NIPAL2: variants seen among roughly 807,000 people sequenced by gnomAD.
NIPAL2 encodes the protein NIPA like domain containing 2.
A neutral mutation model predicts 48.9 loss-of-function variants in NIPAL2; 43 were observed. That is an observed-to-expected ratio of 0.88 (90% CI 0.69 to 1.13). The LOEUF is 1.13. Among genes scored for constraint, NIPAL2 ranks in the 50% most tolerant of loss-of-function variants. The pLI, the probability that NIPAL2 is intolerant of heterozygous loss-of-function variation, is 0.00. For missense variants in NIPAL2, 446 were observed against 461.4 expected (o/e 0.97, Z 0.31); for synonymous variants, 167 against 174.6 (o/e 0.96, Z 0.34).
intron 1 of NIPAL2, among the ~76,000 whole-genome samples, chr8:98,256,277 G>C (rs1586413964): frequency 1.3e-5 from 2 of 152,228 alleles, no homozygotes; most frequent in South Asian, 4.1e-4. Flanking sequence ...GCCTGCCTCA[G>C]CTCCCAAAGT....
intron 1 of NIPAL2, among the ~76,000 whole-genome samples, chr8:98,277,961 C>T (rs886972488): frequency 6.6e-6 from 1 of 152,070 alleles, no homozygotes; most frequent in African/African-American, 2.4e-5. Context: ...GTCCTTCTTC[C>T]TGAAGAAAAC....
At chr8:98,208,474 G>C (rs1388658568) in intron 6 of NIPAL2, among the ~76,000 whole-genome samples, 1 of 151,922 alleles carries the variant, frequency 6.6e-6, no homozygotes, top group Non-Finnish European at 1.5e-5. Flanking sequence ...TTGATGTGGA[G>C]TTTTGCTCTT....
At chr8:98,292,508 T>A (rs1816537635) in intron 1 of NIPAL2, among the ~76,000 whole-genome samples, 1 of 152,338 alleles carries the variant, frequency 6.6e-6, no homozygotes, top group East Asian at 1.9e-4. Flanking sequence ...GATACATCCT[T>A]TCTAACCTGT....
chr8:98,209,028 C>T (rs548364148), intron 6 of NIPAL2, among the ~76,000 whole-genome samples: 11 of 152,174 alleles, frequency 7.2e-5, no homozygotes, highest in Admixed American at 3.9e-4. Flanking sequence ...GTAATGAGAA[C>T]GCTTCTGGTA....
chr8:98,244,631 GT>G (rs1813206254), intron 3 of NIPAL2, among the ~76,000 whole-genome samples: 1 of 148,448 alleles, frequency 6.7e-6, no homozygotes, highest in Non-Finnish European at 1.5e-5. Flanking sequence ...GTGATGGGGG[GT>G]GCTGGCCATG....
chr8:98,209,445 CAAAAAAAAAA>C (rs33923448), intron 6 of NIPAL2, among the ~76,000 whole-genome samples: 115 of 70,508 alleles, frequency 1.6e-3, no homozygotes, highest in African/African-American at 6.4e-3. Flanking sequence ...CCTGTCTCTC[CAAAAAAAAAA>C]AAAAAAAAAA....
chr8:98,220,086 A>C (rs1350982596), intron 5 of NIPAL2, among the ~76,000 whole-genome samples: 1 of 152,106 alleles, frequency 6.6e-6, no homozygotes, highest in Non-Finnish European at 1.5e-5. Context: ...TTTGTAGGGC[A>C]AGAGAAAGGA....
chr8:98,220,451 C>T (rs944557006), intron 5 of NIPAL2, among the ~76,000 whole-genome samples: 1 of 150,690 alleles, frequency 6.6e-6, no homozygotes, highest in Non-Finnish European at 1.5e-5. Flanking sequence ...CACTCTGTCA[C>T]CCAGGTTGGA....
At chr8:98,251,912 T>A (rs1337222220) in intron 3 of NIPAL2, among the ~76,000 whole-genome samples, 2 of 152,240 alleles carry the variant, frequency 1.3e-5, no homozygotes, top group Non-Finnish European at 2.9e-5. Context: ...TTTGCTCATT[T>A]TTTTCAGTCT....
At chr8:98,258,301 AT>A (rs1381600287) in intron 1 of NIPAL2, among the ~76,000 whole-genome samples, 1 of 152,212 alleles carries the variant, frequency 6.6e-6, no homozygotes, top group East Asian at 1.9e-4. Context: ...CTGGAGGTGG[AT>A]ATGATGACAG....
chr8:98,226,353 C>T (rs1301098139), intron 4 of NIPAL2, among the ~76,000 whole-genome samples: 2 of 152,064 alleles, frequency 1.3e-5, no homozygotes, highest in Admixed American at 1.3e-4. Context: ...TTGTACCCAT[C>T]CTTCTTTGGA....
chr8:98,252,170 A>T (rs1813622895), intron 3 of NIPAL2: 1 of 281,150 alleles, frequency 3.6e-6, no homozygotes, highest in Admixed American at 5.1e-5. Context: ...TAGGTAACTC[A>T]TTAATGATTA....
intron 1 of NIPAL2, among the ~76,000 whole-genome samples, chr8:98,285,265 A>C (rs1816086286): frequency 6.6e-6 from 1 of 152,080 alleles, no homozygotes; most frequent in Non-Finnish European, 1.5e-5. Flanking sequence ...ACTTGAGCCC[A>C]CCTGTGGGGA....
intron 1 of NIPAL2, among the ~76,000 whole-genome samples, chr8:98,256,934 T>C (rs965600825): frequency 6.6e-6 from 1 of 152,094 alleles, no homozygotes; most frequent in Non-Finnish European, 1.5e-5. Context: ...ATAAACAACA[T>C]AGAGTACATA....
intron 4 of NIPAL2, among the ~76,000 whole-genome samples, chr8:98,223,007 C>G (rs1214557710): frequency 1.3e-5 from 2 of 152,146 alleles, no homozygotes; most frequent in African/African-American, 4.8e-5. Flanking sequence ...ATCTAGATGG[C>G]ACAGTCCAGA....
At chr8:98,228,864 C>T (rs1260626692) in intron 4 of NIPAL2, among the ~76,000 whole-genome samples, 1 of 152,192 alleles carries the variant, frequency 6.6e-6, no homozygotes, top group Non-Finnish European at 1.5e-5. Flanking sequence ...TTCTCAATGC[C>T]TAGCAAAGAC....
At chr8:98,205,009 A>C in intron 7 of NIPAL2, 102 bp downstream of exon 7, 1 of 1,257,970 alleles carries the variant, frequency 7.9e-7, no homozygotes, top group Non-Finnish European at 1.1e-6. Flanking sequence ...CTTAGAAATC[A>C]GTTGTATCTC....
At chr8:98,291,087 T>C (rs1816465859) in intron 1 of NIPAL2, among the ~76,000 whole-genome samples, 1 of 152,214 alleles carries the variant, frequency 6.6e-6, no homozygotes. Context: ...TAATTTGCTT[T>C]GATTCCTGCA....
intron 8 of NIPAL2, among the ~76,000 whole-genome samples, chr8:98,202,602 C>G (rs1423501767): frequency 6.6e-6 from 1 of 152,210 alleles, no homozygotes; most frequent in African/African-American, 2.4e-5. Flanking sequence ...TGTCTGTTCT[C>G]CCTTTGCCTT....
Sources: gnomAD v4.1 joint callset for allele counts (sites outside exome capture counted in the v4.1 genomes callset) on GRCh38, gnomAD v4.1.1 for gene constraint, MANE v1.5 for transcripts, NCBI Gene and HGNC (gene_info 2026-07-23, HGNC 2026-07-21) for gene names.